Variants in PHLPP1 observed in about 807,000 individuals in gnomAD.
The protein encoded by PHLPP1 is PH domain and leucine rich repeat protein phosphatase 1.
In PHLPP1, 42 loss-of-function variants were observed where a neutral mutation model predicts 117.2. The ratio of observed to expected loss-of-function variants is 0.36; its 90% CI spans 0.28 to 0.46. The LOEUF (loss-of-function observed/expected upper bound fraction) is 0.46, where lower values mean the gene tolerates loss of function less well. PHLPP1 is among the 20% of genes least tolerant of loss of function. The probability of loss-of-function intolerance (pLI) is 1.00; values close to 1 mark genes in which losing one functional copy is unlikely to be tolerated. For synonymous variants in PHLPP1, 1,042 were observed against 970.7 expected (o/e 1.07, Z -1.37); for missense variants, 2,084 against 2,241.9 (o/e 0.93, Z 1.42).
chr18:62,814,434 A>G lies in PHLPP1; in HGVS notation c.1577-15601A>G, dbSNP rs183599750. Among the ~76,000 whole-genome samples, 182 of 152,320 alleles carry G rather than the reference A, an allele frequency of 1.2e-3. 1 individual carries two copies. Among genetic ancestry groups the G allele is most frequent in the Non-Finnish European group, 2.1e-3 (142 of 68,038 alleles). ...CTAGACCTCTTACGGAGTCATTTCA[A>G]TCCTTCTCCTAGCTCTTGAAATGAC... On this transcript the variant is annotated intron_variant, in intron 1 of 16. Transcript: ENST00000262719.
At position 62,975,617 on chromosome 18, in the gene PHLPP1, A is replaced by G. The variant is rs1320408152; in HGVS notation, c.3976A>G (p.Ile1326Val). ...GAGGATTAAACAGCACAAGGCCATT[A>G]TCACTGAGGTGAGAAAACAGGGGTG... ...LKRIKQHKAI[I>V]TEDGKVNGVT... Residue 1326 changes from isoleucine (I) to valine (V), a missense_variant, in exon 16 of 17, where the codon ATC (isoleucine) becomes GTC (valine). Ile to Val is a conservative substitution (Grantham distance 29). Coordinates refer to ENST00000262719, the MANE Select transcript of PHLPP1 (RefSeq NM_194449.4). 1.9e-6 allele frequency: 3 copies of G among 1,605,312 alleles called. No homozygotes were observed. The South Asian group carries it at 3.3e-5, about 18-fold the overall frequency.
Position 62,979,377 on chromosome 18 carries a change from G to T in PHLPP1, c.5100G>T (p.Leu1700=). Reference sequence around the variant, plus strand: ...CACCCCCTCAGCTCCAGCCGCAGCTGCCGCGGCACTACCAGCTGGACCAGC... The same window carrying T: ...CACCCCCTCAGCTCCAGCCGCAGCTTCCGCGGCACTACCAGCTGGACCAGC... ...PPPPPQLQPQ[L]PRHYQLDQLP... is the part of the protein sequence containing the mutation. The change falls in exon 17 of 17, where the codon CTG becomes CTT. Residue 1700 remains leucine (L), a synonymous_variant. Coordinates refer to ENST00000262719, the MANE Select transcript of PHLPP1 (RefSeq NM_194449.4). The T allele has an allele frequency of 5.8e-6, 9 of 1,550,998 alleles. No individual in the cohort carries two copies. The highest frequency in any genetic ancestry group is 7.9e-6 in the Non-Finnish European group (9 of 1,146,276).
intron 12 of PHLPP1, among the ~76,000 whole-genome samples, chr18:62,955,261 G>C (rs1910579423): frequency 6.6e-6 from 1 of 152,188 alleles, no homozygotes; most frequent in African/African-American, 2.4e-5. Context: ...GGAGTGTGAG[G>C]AAGCCAGTGT....
Position 62,895,873 on chromosome 18 carries a change from T to C in PHLPP1, c.2306T>C (p.Phe769Ser). Reference sequence around the variant, plus strand: ...CAGCTTAGTTATCTGGGTCTTTCTTTCAATGAATTTACTGACATTCCCGAA... The same window carrying C: ...CAGCTTAGTTATCTGGGTCTTTCTTCCAATGAATTTACTGACATTCCCGAA... ...MKQLSYLGLS[F>S]NEFTDIPEVL... Residue 769 changes from phenylalanine (F) to serine (S), a missense_variant, in exon 6 of 17, where the codon TTC (phenylalanine) becomes TCC (serine). Phe to Ser is a radical substitution (Grantham distance 155). Around this residue, in one of 2 missense-constraint regions of PHLPP1, gnomAD observed 1,365 missense variants for 1,605.9 expected, o/e 0.85. Coordinates refer to ENST00000262719, the MANE Select transcript of PHLPP1 (RefSeq NM_194449.4). The C allele has an allele frequency of 6.2e-7, 1 of 1,613,404 alleles. No individual in the cohort carries two copies. The highest frequency in any genetic ancestry group is 8.5e-7 in the Non-Finnish European group (1 of 1,179,310).
chr18:62,716,385 G>A lies in PHLPP1; in HGVS notation c.702G>A (p.Leu234=). 6.7e-7 allele frequency: 1 copy of A among 1,486,044 alleles called. No individual in the cohort carries two copies. Among genetic ancestry groups the A allele is most frequent in the Non-Finnish European group, 8.9e-7 (1 of 1,123,092 alleles). 92.1% of individuals were successfully genotyped at this position (1,486,044 alleles called of 1,614,324 possible). ...DTTAGEVAAR[L]LQLGHKGGGV... ...CGGCCGGCGAGGTGGCCGCCCGCCT[G>A]CTGCAGCTGGGCCACAAAGGCGGCG... is the stretch of plus-strand genomic sequence containing the variant. The change falls in exon 1 of 17, where the codon CTG becomes CTA. Residue 234 remains leucine, a synonymous_variant. Transcript: ENST00000262719. The surrounding 1 kb of genome is among the most constrained non-coding windows in gnomAD (Gnocchi z 5.7).
intron 1 of PHLPP1, among the ~76,000 whole-genome samples, chr18:62,744,234 G>A (rs190842706): frequency 3.9e-5 from 6 of 152,342 alleles, no homozygotes; most frequent in South Asian, 4.1e-4. Flanking sequence ...TTCAGAGGGC[G>A]CATGCCCGCA....
chr18:62,720,430 G>A (rs1430375987), intron 1 of PHLPP1, among the ~76,000 whole-genome samples: 1 of 152,126 alleles, frequency 6.6e-6, no homozygotes, highest in Non-Finnish European at 1.5e-5. Flanking sequence ...GTGAATCTCG[G>A]ACAAGGTATT....
intron 1 of PHLPP1, among the ~76,000 whole-genome samples, chr18:62,732,805 G>A (rs920279814): frequency 3.9e-5 from 6 of 152,216 alleles, no homozygotes; most frequent in Non-Finnish European, 8.8e-5. Flanking sequence ...TTGATTTATG[G>A]ATGATAATGA....
intron 1 of PHLPP1, among the ~76,000 whole-genome samples, chr18:62,745,316 G>A (rs1349747887): frequency 6.6e-6 from 1 of 152,118 alleles, no homozygotes; most frequent in Admixed American, 6.5e-5. Context: ...AAGTAAACAC[G>A]TTACCAGTTG....
chr18:62,769,123 G>A (rs1402649416), intron 1 of PHLPP1, among the ~76,000 whole-genome samples: 1 of 152,106 alleles, frequency 6.6e-6, no homozygotes, highest in African/African-American at 2.4e-5. Flanking sequence ...CTGCTCATTC[G>A]CTTAGCATTC....
chr18:62,828,155 A>G (rs1046914653), intron 1 of PHLPP1, among the ~76,000 whole-genome samples: 1 of 151,624 alleles, frequency 6.6e-6, no homozygotes, highest in African/African-American at 2.4e-5. Context: ...TTTCATTTTT[A>G]TTATTCTTTG....
At chr18:62,930,458 CAACAGT>C (rs1479580796) in intron 10 of PHLPP1, among the ~76,000 whole-genome samples, 1 of 101,288 alleles carries the variant, frequency 9.9e-6, no homozygotes, top group Non-Finnish European at 2.2e-5. Flanking sequence ...TTTAAACCAA[CAACAGT>C]AAAAAAAAAT....
intron 1 of PHLPP1, among the ~76,000 whole-genome samples, chr18:62,747,283 T>G (rs1911705243): frequency 6.7e-6 from 1 of 148,750 alleles, no homozygotes; most frequent in South Asian, 2.1e-4. Flanking sequence ...TTCCTTTTTT[T>G]TTTTTTTTTT....
chr18:62,826,156 T>G (rs1914608088), intron 1 of PHLPP1: 1 of 325,032 alleles, frequency 3.1e-6, no homozygotes. Context: ...ATTTATTTAT[T>G]TGTTTTTTTT....
At chr18:62,952,839 C>CCT (rs1185274632) in intron 12 of PHLPP1, among the ~76,000 whole-genome samples, 2 of 152,132 alleles carry the variant, frequency 1.3e-5, no homozygotes, top group African/African-American at 4.8e-5. Context: ...CCAGGTGGAT[C>CCT]TCGAACTCCT....
chr18:62,776,308 T>C (rs1912954254), intron 1 of PHLPP1, among the ~76,000 whole-genome samples: 1 of 152,218 alleles, frequency 6.6e-6, no homozygotes, highest in South Asian at 2.1e-4. Flanking sequence ...GATTTCTATG[T>C]TAGTGTATTG....
At chr18:62,922,489 C>G (rs1367756921) in intron 10 of PHLPP1, among the ~76,000 whole-genome samples, 2 of 152,180 alleles carry the variant, frequency 1.3e-5, no homozygotes, top group African/African-American at 2.4e-5. Context: ...AGACAGATCA[C>G]TTTAGACATA....
chr18:62,962,052 C>T (rs1231933781), intron 13 of PHLPP1, among the ~76,000 whole-genome samples: 2 of 152,130 alleles, frequency 1.3e-5, no homozygotes, highest in East Asian at 3.8e-4. Flanking sequence ...GTGGTCATGA[C>T]CAGAACTATG....
intron 2 of PHLPP1, among the ~76,000 whole-genome samples, chr18:62,834,423 T>C (rs1426012102): frequency 1.3e-5 from 2 of 152,168 alleles, no homozygotes; most frequent in African/African-American, 2.4e-5. Context: ...GTTTAAAATA[T>C]TGTGCAAAGT....
Sources: gnomAD v4.1 joint callset for allele counts (sites outside exome capture counted in the v4.1 genomes callset) on GRCh38, gnomAD v4.1.1 for gene constraint, gnomAD v4.1.1 regional missense constraint, Gnocchi (gnomAD v3.1) non-coding constraint, MANE v1.5 for transcripts, NCBI Gene and HGNC (gene_info 2026-07-23, HGNC 2026-07-21) for gene names.